The following NFATC2 variants were observed in gnomAD, a reference collection of about 807,000 sequenced individuals.
The protein encoded by NFATC2 is nuclear factor of activated T-cells, cytoplasmic 2.
A neutral mutation model predicts 87.3 loss-of-function variants in NFATC2; 22 were observed. That is an observed-to-expected ratio of 0.25 (90% CI 0.18 to 0.36). NFATC2 has a LOEUF of 0.36. NFATC2 is among the 10% of genes least tolerant of loss of function. NFATC2 has a pLI of 1.00. For synonymous variants in NFATC2, 565 were observed against 542.2 expected (o/e 1.04, Z -0.58); for missense variants, 1,149 against 1,259.1 (o/e 0.91, Z 1.32).
chr20:51,521,117 T>C (rs1276223562), intron 2 of NFATC2, among the ~76,000 whole-genome samples: 1 of 152,062 alleles, frequency 6.6e-6, no homozygotes, highest in Non-Finnish European at 1.5e-5. Flanking sequence ...GAAACTCCTT[T>C]TTTTAAAGAT....
intron 1 of NFATC2, among the ~76,000 whole-genome samples, chr20:51,540,647 G>GTTTTTTTTTTTCTTTTTTTTT (rs375172598): frequency 8.9e-6 from 1 of 112,974 alleles, no homozygotes; most frequent in Non-Finnish European, 1.7e-5. Flanking sequence ...AAAAACTGAA[G>GTTTTTTTTTTTCTTTTTTTTT]TTTTTTTTTT....
chr20:51,531,216 A>G (rs1412782144), intron 1 of NFATC2, among the ~76,000 whole-genome samples: 1 of 152,214 alleles, frequency 6.6e-6, no homozygotes, highest in African/African-American at 2.4e-5. Context: ...TTAGAGCCCC[A>G]GCATGGCACA....
At chr20:51,398,423 C>T (rs374352431) in intron 10 of NFATC2, among the ~76,000 whole-genome samples, 3 of 152,310 alleles carry the variant, frequency 2.0e-5, no homozygotes, top group African/African-American at 7.2e-5. Context: ...GTTAATGGGG[C>T]CTCATCCCCC....
rs772057890 is a variant in NFATC2 at position 51,432,451 on chromosome 20, C to A, written c.2338G>T (p.Ala780Ser). 1 of 1,568,748 alleles carries A rather than the reference C, an allele frequency of 6.4e-7. No individual in the cohort carries two copies. Among genetic ancestry groups the A allele is most frequent in the Non-Finnish European group, 8.7e-7 (1 of 1,155,772 alleles). The change falls in exon 9 of 11, where the codon GCT becomes TCT. Residue 780 changes from alanine (A) to serine (S), a missense_variant. Ala to Ser is a moderately conservative substitution (Grantham distance 99, BLOSUM62 1). This residue lies in a region of NFATC2 where 581 missense variants were observed against 649.7 expected (regional missense o/e 0.89). Coordinates refer to ENST00000371564, the MANE Select transcript of NFATC2 (RefSeq NM_012340.5). This position sits in a 1 kb window ranked among gnomAD's most constrained non-coding sequence, Gnocchi z 4.6. ...LMAAPLSLAD[A>S]HRSVLVHAGS... ...GCGTGCACCAGCACAGAGCGGTGAGCGTCCGCAAGGGACAGCGGGGCGGCC... is the reference window on the plus strand; with the variant it reads ...GCGTGCACCAGCACAGAGCGGTGAGAGTCCGCAAGGGACAGCGGGGCGGCC...
intron 5 of NFATC2, among the ~76,000 whole-genome samples, chr20:51,461,704 G>A (rs531038845): frequency 7.9e-5 from 12 of 152,354 alleles, no homozygotes; most frequent in Admixed American, 3.3e-4. Context: ...GGAAGTTATT[G>A]CCTGACTATC....
chr20:51,492,352 G>T (rs957525664), intron 3 of NFATC2, among the ~76,000 whole-genome samples: 2 of 152,048 alleles, frequency 1.3e-5, no homozygotes, highest in Non-Finnish European at 2.9e-5. Flanking sequence ...AGGAGACTGC[G>T]CAATCAACAG....
intron 6 of NFATC2, 98 bp downstream of exon 6, chr20:51,454,450 T>G (rs1433147828): frequency 7.5e-7 from 1 of 1,325,486 alleles, no homozygotes; most frequent in African/African-American, 1.5e-5. Flanking sequence ...AACTGCACGG[T>G]GGGATCTACC....
chr20:51,487,500 A>C (rs1022708402), intron 3 of NFATC2, among the ~76,000 whole-genome samples: 2 of 152,186 alleles, frequency 1.3e-5, no homozygotes, highest in Non-Finnish European at 2.9e-5. Flanking sequence ...AATAAAATTA[A>C]ATTAAAAAAC....
chr20:51,516,379 T>A (rs2146690330), intron 3 of NFATC2, among the ~76,000 whole-genome samples: 1 of 152,374 alleles, frequency 6.6e-6, no homozygotes, highest in African/African-American at 2.4e-5. Flanking sequence ...TTTGATAATG[T>A]ATAGTTTTAA....
chr20:51,405,296 A>T (rs1056314852), intron 9 of NFATC2, among the ~76,000 whole-genome samples: 1 of 152,142 alleles, frequency 6.6e-6, no homozygotes, highest in Non-Finnish European at 1.5e-5. Context: ...TCCACATGCA[A>T]CGCGAGGCCA....
At chr20:51,398,399 C>T (rs1324356498) in intron 10 of NFATC2, among the ~76,000 whole-genome samples, 3 of 152,180 alleles carry the variant, frequency 2.0e-5, no homozygotes, top group Non-Finnish European at 4.4e-5. Context: ...GCCCTGGAAT[C>T]GGGGAGCATG....
At chr20:51,558,477 G>GT (rs201056893) in intron 1 of NFATC2, among the ~76,000 whole-genome samples, 10 of 151,274 alleles carry the variant, frequency 6.6e-5, no homozygotes, top group South Asian at 6.3e-4. Context: ...TTAGGCATTG[G>GT]TTTTTTTGGG....
At chr20:51,413,258 G>T (rs1979551214) in intron 9 of NFATC2, among the ~76,000 whole-genome samples, 5 of 151,920 alleles carry the variant, frequency 3.3e-5, no homozygotes, top group Admixed American at 6.6e-5. Flanking sequence ...TCAATCCACT[G>T]TGCCCTCTGA....
At chr20:51,544,011 G>A (rs1421180694), upstream of NFATC2, among the ~76,000 whole-genome samples, 12 of 78,798 alleles carry the variant, frequency 1.5e-4, no homozygotes, top group Non-Finnish European at 2.7e-4. Flanking sequence ...TTTTGGAGAC[G>A]GAGTCTCGCT....
At chr20:51,414,503 A>C (rs1363051338) in intron 9 of NFATC2, among the ~76,000 whole-genome samples, 2 of 152,126 alleles carry the variant, frequency 1.3e-5, no homozygotes, top group African/African-American at 4.8e-5. Context: ...AGCCTGGCCA[A>C]CATGGCAAAA....
intron 9 of NFATC2, among the ~76,000 whole-genome samples, chr20:51,423,291 CAAAAAAAAAAA>C (rs71192527): frequency 4.5e-4 from 28 of 62,872 alleles, no homozygotes; most frequent in Non-Finnish European, 8.1e-5. Context: ...GACCCTCTCT[CAAAAAAAAAAA>C]AAAAAAAAAA....
chr20:51,531,687 G>A (rs1005204661), intron 1 of NFATC2, among the ~76,000 whole-genome samples: 3 of 152,214 alleles, frequency 2.0e-5, no homozygotes, highest in African/African-American at 4.8e-5. Context: ...ATACAAGCCT[G>A]TCGGTTTCCC....
chr20:51,522,472 C>G (rs2076463072), intron 2 of NFATC2, among the ~76,000 whole-genome samples: 1 of 152,054 alleles, frequency 6.6e-6, no homozygotes, highest in African/African-American at 2.4e-5. Context: ...AGGCAGGACT[C>G]AAAGCGAGCC....
intron 1 of NFATC2, among the ~76,000 whole-genome samples, chr20:51,556,787 T>C (rs550475983): frequency 1.8e-4 from 27 of 151,636 alleles, no homozygotes; most frequent in African/African-American, 5.3e-4. Flanking sequence ...AGCCCCGGAG[T>C]GTCAGGGGAA....
Sources: allele counts gnomAD v4.1 joint callset (sites outside exome capture counted in the v4.1 genomes callset), GRCh38; gene constraint gnomAD v4.1.1; regional missense constraint gnomAD v4.1.1; non-coding constraint Gnocchi (gnomAD v3.1); transcripts MANE v1.5; gene names NCBI Gene and HGNC (gene_info 2026-07-23, HGNC 2026-07-21).